Variants in MPP7 observed in about 807,000 individuals in gnomAD.
The protein encoded by MPP7 is MAGUK p55 scaffold protein 7.
Under a neutral mutation model 76.5 loss-of-function variants are expected in MPP7, and 60 were observed. The observed-to-expected ratio is 0.78, with a 90% confidence interval of 0.64 to 0.97. MPP7 has a LOEUF of 0.97. Among genes scored for constraint, MPP7 ranks in the 50% least tolerant of loss-of-function variants. MPP7 has a pLI of 0.00. For synonymous variants in MPP7, 237 were observed against 244.5 expected (o/e 0.97, Z 0.29); for missense variants, 641 against 694.0 (o/e 0.92, Z 0.86).
intron 11 of MPP7, among the ~76,000 whole-genome samples, chr10:28,101,161 T>C (rs2133512879): frequency 6.6e-6 from 1 of 152,302 alleles, no homozygotes; most frequent in East Asian, 1.9e-4. Context: ...ATTCCAGACA[T>C]GCTGAGATTA....
chr10:28,310,570 T>G (rs1421450109), intron 2 of MPP7, among the ~76,000 whole-genome samples: 1 of 152,178 alleles, frequency 6.6e-6, no homozygotes, highest in Non-Finnish European at 1.5e-5. Flanking sequence ...ATTAATAGTT[T>G]CAAACATAAG....
chr10:28,185,153 T>A (rs969433154), intron 3 of MPP7, among the ~76,000 whole-genome samples: 2 of 148,534 alleles, frequency 1.3e-5, no homozygotes, highest in Non-Finnish European at 3.0e-5. Context: ...ATATATTTTT[T>A]AATAATGTAA....
intron 4 of MPP7, among the ~76,000 whole-genome samples, chr10:28,147,925 A>G (rs1481284465): frequency 6.6e-6 from 1 of 152,186 alleles, no homozygotes; most frequent in Admixed American, 6.5e-5. Flanking sequence ...AACCTCCCCC[A>G]ACCCCCACAA....
At position 28,056,583 on chromosome 10, in the gene MPP7, A is replaced by G; in HGVS notation, c.1448T>C (p.Val483Ala). Residue 483 changes from valine (V) to alanine (A), a missense_variant, in exon 16 of 17, where the codon GTG (valine) becomes GCG (alanine). Transcript: ENST00000683449. ...TATTGATGGAGGCTTTATAAATATC[A>G]CATAGGGCTTAAATTCTAGTGTCCT... Reference protein sequence around the residue: ...HLRTLEFKPYVIFIKPPSIER... With the variant: ...HLRTLEFKPYAIFIKPPSIER... 6.2e-7 allele frequency: 1 copy of G among 1,606,868 alleles called. No individual in the cohort carries two copies. Among genetic ancestry groups the G allele is most frequent in the Non-Finnish European group, 8.5e-7 (1 of 1,178,366 alleles).
chr10:28,192,522 T>C (rs1409053905), intron 3 of MPP7, among the ~76,000 whole-genome samples: 3 of 152,102 alleles, frequency 2.0e-5, no homozygotes, highest in South Asian at 2.1e-4. Context: ...TCCAAAGCCA[T>C]AGCACCAAAA....
chr10:28,091,504 T>C (rs1440890276), intron 11 of MPP7, among the ~76,000 whole-genome samples: 1 of 152,104 alleles, frequency 6.6e-6, no homozygotes, highest in Non-Finnish European at 1.5e-5. Flanking sequence ...GCCAGGCTCA[T>C]CTCAAACTTC....
At chr10:28,154,238 C>T (rs73608049) in intron 3 of MPP7, among the ~76,000 whole-genome samples, 15,811 of 152,142 alleles carry the variant, frequency 0.1, 1,407 homozygotes, top group East Asian at 0.44. Context: ...AGACCAGCTT[C>T]TTTGTCATCT....
At chr10:28,165,548 A>G (rs1350677486) in intron 3 of MPP7, among the ~76,000 whole-genome samples, 3 of 151,734 alleles carry the variant, frequency 2.0e-5, no homozygotes, top group South Asian at 2.1e-4. Context: ...AAAAAAAAAA[A>G]AAAGAAAGAA....
chr10:28,072,540 C>G (rs1852287313), intron 12 of MPP7, among the ~76,000 whole-genome samples: 1 of 152,232 alleles, frequency 6.6e-6, no homozygotes, highest in Admixed American at 6.5e-5. Context: ...GGCAGTCCTG[C>G]CCCTGTGGAA....
chr10:28,174,419 TCTC>T (rs1836790551), intron 3 of MPP7, among the ~76,000 whole-genome samples: 1 of 151,926 alleles, frequency 6.6e-6, no homozygotes, highest in Non-Finnish European at 1.5e-5. Flanking sequence ...GCCTGACACC[TCTC>T]CTCTCTCTTT....
intron 1 of MPP7, among the ~76,000 whole-genome samples, chr10:28,243,058 G>A (rs1378927845): frequency 6.6e-6 from 1 of 152,010 alleles, no homozygotes; most frequent in Non-Finnish European, 1.5e-5. Flanking sequence ...GAGTTATACT[G>A]GCTGCTTTGA....
At chr10:28,320,000 T>G (rs1834350878) in intron 2 of MPP7, among the ~76,000 whole-genome samples, 1 of 152,158 alleles carries the variant, frequency 6.6e-6, no homozygotes, top group Non-Finnish European at 1.5e-5. Context: ...AATTATTCTT[T>G]CGGTGCCCTC....
intron 3 of MPP7, among the ~76,000 whole-genome samples, chr10:28,192,935 C>T (rs1173095571): frequency 6.6e-6 from 1 of 152,156 alleles, no homozygotes; most frequent in African/African-American, 2.4e-5. Flanking sequence ...GATAATGGAA[C>T]ACAATTACCC....
chr10:28,279,144 C>T (rs1840592214), intron 1 of MPP7, among the ~76,000 whole-genome samples: 1 of 151,972 alleles, frequency 6.6e-6, no homozygotes, highest in Non-Finnish European at 1.5e-5. Flanking sequence ...TGGGCCTGAG[C>T]TACGGGCAAG....
intron 3 of MPP7, among the ~76,000 whole-genome samples, chr10:28,163,278 G>C (rs1178962666): frequency 6.6e-6 from 1 of 152,134 alleles, no homozygotes; most frequent in East Asian, 1.9e-4. Flanking sequence ...TCCCAACTTA[G>C]GGACTTTGTA....
chr10:28,273,119 T>C (rs1170616810), intron 1 of MPP7, among the ~76,000 whole-genome samples: 3 of 152,348 alleles, frequency 2.0e-5, no homozygotes. Flanking sequence ...GGTTTCACCA[T>C]GTTGGCCAGG....
At chr10:28,273,034 A>G (rs1271826599) in intron 1 of MPP7, among the ~76,000 whole-genome samples, 2 of 151,670 alleles carry the variant, frequency 1.3e-5, no homozygotes, top group African/African-American at 4.9e-5. Flanking sequence ...CTCCTGCCTC[A>G]GCCTCCCCAG....
chr10:28,251,749 C>T (rs912448795), intron 1 of MPP7, among the ~76,000 whole-genome samples: 1 of 152,042 alleles, frequency 6.6e-6, no homozygotes, highest in East Asian at 1.9e-4. Context: ...TATTCCCTGG[C>T]ACCTCTTTAT....
intron 3 of MPP7, among the ~76,000 whole-genome samples, chr10:28,167,010 T>C (rs1836487260): frequency 6.6e-6 from 1 of 152,156 alleles, no homozygotes; most frequent in African/African-American, 2.4e-5. Context: ...TTTTCTGCTA[T>C]TATGAACTCT....
Sources: allele counts gnomAD v4.1 joint callset (sites outside exome capture counted in the v4.1 genomes callset), GRCh38; gene constraint gnomAD v4.1.1; transcripts MANE v1.5; gene names NCBI Gene and HGNC (gene_info 2026-07-23, HGNC 2026-07-21).